Variants in LZTFL1 observed in about 807,000 individuals in gnomAD.
LZTFL1 encodes leucine zipper transcription factor like 1, also known as leucine zipper transcription factor-like protein 1.
A neutral mutation model predicts 45.9 loss-of-function variants in LZTFL1; 25 were observed. That is an observed-to-expected ratio of 0.54 (90% CI 0.40 to 0.76). The LOEUF (loss-of-function observed/expected upper bound fraction) is 0.76. Among genes scored for constraint, LZTFL1 ranks in the 30% least tolerant of loss-of-function variants. The probability of loss-of-function intolerance (pLI) is 0.00; values close to 1 mark genes in which losing one functional copy is unlikely to be tolerated. For synonymous variants in LZTFL1, 93 were observed against 117.4 expected (o/e 0.79, Z 1.35); for missense variants, 277 against 331.1 (o/e 0.84, Z 1.27).
chr3:45,842,727 A>G (rs1452869674), upstream of LZTFL1, among the ~76,000 whole-genome samples: 2 of 152,200 alleles, frequency 1.3e-5, no homozygotes, highest in Non-Finnish European at 2.9e-5. Flanking sequence ...AAAAGGTTCC[A>G]TATGCCTGGA....
At chr3:45,833,176 A>G (rs1459883824) in intron 4 of LZTFL1, 55 bp from the exon 5 acceptor site, 1 of 1,208,728 alleles carries the variant, frequency 8.3e-7, no homozygotes, top group East Asian at 2.3e-5. Flanking sequence ...AGCATGTATA[A>G]TCATTGAACA....
chr3:45,871,144 A>T (rs1701664893), intron 2 of LZTFL1, among the ~76,000 whole-genome samples: 1 of 152,222 alleles, frequency 6.6e-6, no homozygotes, highest in African/African-American at 2.4e-5. Context: ...ATCTTCACCC[A>T]CATAAGCAAG....
rs1338731540 is a variant in LZTFL1, at chr3:45,824,178, G to A, written c.*2136C>T. The A allele has an allele frequency of 6.6e-6, 1 of 152,056 alleles. No homozygotes were observed. The highest frequency in any genetic ancestry group is 1.9e-4 in the East Asian group (1 of 5,186). 9.4% of individuals were successfully genotyped at this position (152,056 alleles called of 1,614,324 possible). On this transcript the variant is annotated 3_prime_UTR_variant, in exon 10 of 10. Transcript: ENST00000296135. The stretch of plus-strand genomic sequence containing the variant: ...GCATTGTGATGGCCATCAATGTACA[G>A]ACTGCCTGTCTGGCTTAGCACATCA...
intron 2 of LZTFL1, chr3:45,883,646 C>A: frequency 4.2e-6 from 2 of 473,180 alleles, no homozygotes; most frequent in Non-Finnish European, 8.0e-6. Context: ...AGCGCTTCTA[C>A]AATGTGGCAG....
chr3:45,901,070 C>T lies in LZTFL1; in HGVS notation c.-215+12050G>A, dbSNP rs764165054. On this transcript the variant is annotated intron_variant, in intron 2 of 4. Transcript: ENST00000472635. This position sits in a 1 kb window ranked among gnomAD's most constrained non-coding sequence, Gnocchi z 4.3. ...TCCTTTTGAATTTGGCAATTGCTGACCTCCTCTTTCTTGTCACTCTTCCCT... is the reference window on the plus strand; with the variant it reads ...TCCTTTTGAATTTGGCAATTGCTGATCTCCTCTTTCTTGTCACTCTTCCCT... 6.2e-7 allele frequency: 1 copy of T among 1,614,200 alleles called. No individual in the cohort carries two copies. The highest frequency in any genetic ancestry group is 1.1e-5 in the South Asian group (1 of 91,088).
At chr3:45,830,337 G>A (rs1700781605) in intron 7 of LZTFL1, among the ~76,000 whole-genome samples, 1 of 152,178 alleles carries the variant, frequency 6.6e-6, no homozygotes, top group South Asian at 2.1e-4. Flanking sequence ...ACTTCCCGCA[G>A]GCGGAGTGAC....
intron 4 of LZTFL1, 142 bp downstream of exon 4, chr3:45,834,096 G>T: frequency 1.7e-6 from 1 of 581,418 alleles, no homozygotes; most frequent in Non-Finnish European, 3.0e-6. Flanking sequence ...CTGAAAATAT[G>T]ATAGACAATT....
At chr3:45,836,558 G>T (rs1056805544) in intron 2 of LZTFL1, among the ~76,000 whole-genome samples, 7 of 152,190 alleles carry the variant, frequency 4.6e-5, no homozygotes, top group Non-Finnish European at 8.8e-5. Context: ...AGGAGGCTGA[G>T]GCAGGAGAAT....
upstream of LZTFL1, among the ~76,000 whole-genome samples, chr3:45,844,260 C>T (rs913094416): frequency 6.6e-6 from 1 of 152,182 alleles, no homozygotes; most frequent in South Asian, 2.1e-4. Context: ...ATTTACAGAA[C>T]CCCTGTTGTG....
At chr3:45,839,092 G>GATT (rs1701038816) in intron 1 of LZTFL1, among the ~76,000 whole-genome samples, 1 of 47,438 alleles carries the variant, frequency 2.1e-5, no homozygotes, top group African/African-American at 8.4e-5. Flanking sequence ...CATAAATACA[G>GATT]ATTCTTTTTT....
chr3:45,889,144 C>T (rs1702069107), intron 2 of LZTFL1, among the ~76,000 whole-genome samples: 1 of 152,044 alleles, frequency 6.6e-6, no homozygotes, highest in African/African-American at 2.4e-5. Context: ...GCAACCATGC[C>T]TGGCATATTT....
intron 2 of LZTFL1, among the ~76,000 whole-genome samples, chr3:45,878,532 A>T (rs1016031593): frequency 1.3e-5 from 2 of 151,094 alleles, no homozygotes; most frequent in African/African-American, 4.9e-5. Flanking sequence ...TTCTAATGTA[A>T]TTTCTTATTT....
At chr3:45,912,977 C>A in intron 2 of LZTFL1, 1 of 766,954 alleles carries the variant, frequency 1.3e-6, no homozygotes, top group Non-Finnish European at 2.0e-6. Flanking sequence ...CATAGCAAAT[C>A]CTGGTTTATG....
At chr3:45,905,188 C>T (rs1365836431) in intron 2 of LZTFL1, among the ~76,000 whole-genome samples, 4 of 152,176 alleles carry the variant, frequency 2.6e-5, no homozygotes, top group Non-Finnish European at 5.9e-5. Flanking sequence ...GTACCACAGC[C>T]TTAGAATTCC....
intron 2 of LZTFL1, among the ~76,000 whole-genome samples, chr3:45,896,063 AC>A (rs1702346841): frequency 6.6e-6 from 1 of 152,256 alleles, no homozygotes; most frequent in South Asian, 2.1e-4. Flanking sequence ...ATGTATAGTT[AC>A]CTAATTGCAC....
At chr3:45,911,943 G>A (rs919887304) in intron 2 of LZTFL1, among the ~76,000 whole-genome samples, 2 of 152,224 alleles carry the variant, frequency 1.3e-5, no homozygotes, top group African/African-American at 4.8e-5. Context: ...TACTTCAAAC[G>A]ACATAGAAAA....
At chr3:45,913,318 TTG>T in intron 1 of LZTFL1, 1 of 617,706 alleles carries the variant, frequency 1.6e-6, no homozygotes, top group Non-Finnish European at 2.8e-6. Context: ...TTTTTTTTTT[TTG>T]GCCTCATCCA....
chr3:45,853,950 TCTC>T (rs1029668762), intron 4 of LZTFL1, among the ~76,000 whole-genome samples: 25 of 152,298 alleles, frequency 1.6e-4, no homozygotes, highest in African/African-American at 6.0e-4. Flanking sequence ...TTGGCTTTCT[TCTC>T]CTCCTCCCTA....
intron 2 of LZTFL1, among the ~76,000 whole-genome samples, chr3:45,890,810 G>A (rs768236344): frequency 6.6e-6 from 1 of 152,236 alleles, no homozygotes; most frequent in Non-Finnish European, 1.5e-5. Context: ...CCCACAGAGG[G>A]GAATGTTTAA....
Sources: allele counts gnomAD v4.1 joint callset (sites outside exome capture counted in the v4.1 genomes callset), GRCh38; gene constraint gnomAD v4.1.1; non-coding constraint Gnocchi (gnomAD v3.1); transcripts MANE v1.5; gene names NCBI Gene and HGNC (gene_info 2026-07-23, HGNC 2026-07-21).